The following SCAF4 variants were observed in gnomAD, a reference collection of about 807,000 sequenced individuals.
SCAF4 encodes SR-related CTD associated factor 4.
Under a neutral mutation model 129.8 loss-of-function variants are expected in SCAF4, and 25 were observed. The ratio of observed to expected loss-of-function variants is 0.19; its 90% confidence interval spans 0.14 to 0.27. SCAF4 has a LOEUF of 0.27. Ranked by LOEUF, SCAF4 falls within the 10% of genes least tolerant of loss-of-function variation. The pLI, the probability that SCAF4 is intolerant of heterozygous loss-of-function variation, is 1.00. For synonymous variants in SCAF4, 551 were observed against 497.7 expected (o/e 1.11, Z -1.43); for missense variants, 1,246 against 1,457.1 (o/e 0.86, Z 2.36).
rs1568862224 is a variant in SCAF4 at position 31,717,900 on chromosome 21, TATATACACACACACAC to T, written c.31-11559_31-11544del. Among the ~76,000 whole-genome samples, 391 of 78,640 alleles carry T rather than the reference TATATACACACACACAC, an allele frequency of 5.0e-3. 5 individuals are homozygous for T. Among genetic ancestry groups the T allele is most frequent in the African/African-American group, 0.016 (355 of 22,152 alleles). The allele number at this position is 78,640 out of a possible 152,430, so 51.6% of individuals were successfully genotyped here. ...ACACATATATACACATATATACACA[TATATACACACACACAC>T]ACACACACACACACACACACACACA... is the stretch of plus-strand genomic sequence containing the variant. On this transcript the variant is annotated intron_variant, in intron 1 of 19. Transcript: ENST00000286835.
chr21:31,724,958 C>A lies in SCAF4; in HGVS notation c.30+6705G>T, dbSNP rs551293472. Among the ~76,000 whole-genome samples, 8 of 152,330 alleles carry A rather than the reference C, an allele frequency of 5.3e-5. No homozygotes were observed. In the South Asian group the frequency reaches 1.4e-3, roughly 28 times the overall value. ...CAGTGATAAACCCCGCTACAGAAAG[C>A]TCTGAAGAATCACTTTATCGCAATC... On this transcript the variant is annotated intron_variant, in intron 1 of 19. Coordinates refer to ENST00000286835, the MANE Select transcript of SCAF4 (RefSeq NM_020706.2).
rs753442983 is a variant in SCAF4 at position 31,685,441 on chromosome 21, T to A, written c.2253A>T (p.Val751=). The change falls in exon 18 of 20, where the codon GTA becomes GTT. Residue 751 remains valine (V), a synonymous_variant. Coordinates refer to ENST00000286835, the MANE Select transcript of SCAF4 (RefSeq NM_020706.2). ...PGPPPPITPP[V]SIPPPHTPPI... is the part of the protein sequence containing the mutation. The stretch of plus-strand genomic sequence containing the variant: ...GTGGAGTGTGAGGAGGAGGAATGGA[T>A]ACTGGTGGAGTTATAGGAGGTGGGG... 5 of 1,613,502 alleles carry A rather than the reference T, an allele frequency of 3.1e-6. No individual in the cohort carries two copies. Among genetic ancestry groups the A allele is most frequent in the Non-Finnish European group, 4.2e-6 (5 of 1,179,724 alleles).
At chr21:31,687,112 A>G (rs2050144651) in intron 16 of SCAF4, among the ~76,000 whole-genome samples, 1 of 152,218 alleles carries the variant, frequency 6.6e-6, no homozygotes, top group Non-Finnish European at 1.5e-5. Flanking sequence ...TTCCCCTCAC[A>G]TTGAGAAAAT....
chr21:31,689,409 A>T (rs2050204942), intron 15 of SCAF4, among the ~76,000 whole-genome samples: 2 of 151,120 alleles, frequency 1.3e-5, no homozygotes, highest in Non-Finnish European at 2.9e-5. Context: ...GTGATTCTCC[A>T]GCCTCAGCGT....
chr21:31,731,006 C>T (rs1036456454), intron 1 of SCAF4, among the ~76,000 whole-genome samples: 2 of 152,196 alleles, frequency 1.3e-5, no homozygotes, highest in South Asian at 4.1e-4. Context: ...CACGTTGGGG[C>T]CATAGAGCCT....
intron 19 of SCAF4, among the ~76,000 whole-genome samples, chr21:31,676,563 T>C (rs2049860855): frequency 1.3e-5 from 2 of 152,192 alleles, no homozygotes; most frequent in Non-Finnish European, 2.9e-5. Context: ...ACAACCCAAG[T>C]GGACCCTTCA....
In SCAF4 at chr21:31,689,863, A is replaced by C. The variant is rs541897313; in HGVS notation, c.1885+934T>G. 8.6e-5 allele frequency among the ~76,000 whole-genome samples: 13 copies of C among 151,820 alleles called. No individual in the cohort carries two copies. The East Asian group carries it at 2.6e-3, about 30-fold the overall frequency. On this transcript the variant is annotated intron_variant, in intron 15 of 19. Coordinates refer to ENST00000286835, the MANE Select transcript of SCAF4 (RefSeq NM_020706.2). Reference sequence around the variant, plus strand: ...GGCAGGAGAATCACTGGAACCCGGGAGGCACAGGTTGCAGTGAGCCAAGAT... The same window carrying C: ...GGCAGGAGAATCACTGGAACCCGGGCGGCACAGGTTGCAGTGAGCCAAGAT...
intron 1 of SCAF4, among the ~76,000 whole-genome samples, chr21:31,717,888 CATATATACACATATAT>C (rs1173329650): frequency 8.7e-5 from 10 of 114,450 alleles, no homozygotes; most frequent in African/African-American, 2.4e-4. Context: ...CATATATACA[CATATATACACATATAT>C]ACACACACAC....
chr21:31,721,783 C>A (rs394151), intron 1 of SCAF4, among the ~76,000 whole-genome samples: 150,375 of 150,390 alleles, frequency 1, 75,180 homozygotes, highest in Middle Eastern at 1. Context: ...CTGGAGTGCA[C>A]AGGCACAATC....
chr21:31,680,107 C>T (rs937984500), intron 19 of SCAF4, among the ~76,000 whole-genome samples: 3 of 152,152 alleles, frequency 2.0e-5, no homozygotes, highest in Non-Finnish European at 2.9e-5. Context: ...ACTGCCCCTC[C>T]CACCTTCCTC....
chr21:31,688,277 AAAGTTT>A (rs757497653), intron 16 of SCAF4, 24 bp downstream of exon 16: 7 of 1,597,696 alleles, frequency 4.4e-6, no homozygotes, highest in East Asian at 2.2e-5. Context: ...TCAGGCACTT[AAAGTTT>A]AAGTCATGTC....
chr21:31,693,505 G>C (rs778136167), intron 11 of SCAF4, 21 bp from the exon 12 acceptor site: 49 of 1,442,044 alleles, frequency 3.4e-5, no homozygotes, highest in South Asian at 4.5e-5. Flanking sequence ...CAAGAGAAGG[G>C]AGAATGCATA....
At chr21:31,699,344 T>C (rs1026595391) in intron 7 of SCAF4, among the ~76,000 whole-genome samples, 1 of 152,192 alleles carries the variant, frequency 6.6e-6, no homozygotes, top group Non-Finnish European at 1.5e-5. Flanking sequence ...ATGAGGAGTT[T>C]TCCTAATCAC....
rs752837387 is a variant in SCAF4, at chr21:31,696,728, T to C, written c.800A>G (p.Tyr267Cys). The C allele has an allele frequency of 2.5e-6, 4 of 1,608,208 alleles. No individual in the cohort carries two copies. Among genetic ancestry groups the C allele is most frequent in the East Asian group, 2.2e-5 (1 of 44,800 alleles). ...FDKKLLDRFD[Y>C]DDEPEAVEES... ...TTCCACAGCTTCTGGCTCATCATCA[T>C]AGTCAAATCTATCAAGCAACTTCTG... Residue 267 changes from tyrosine (Y) to cysteine (C), a missense_variant, in exon 8 of 20, where the codon TAT becomes TGT. Physicochemically the swap from Tyr to Cys is radical, Grantham distance 194. Transcript: ENST00000286835.
rs752897677 is a variant in SCAF4 at position 31,694,952 on chromosome 21, G to A, written c.1097C>T (p.Pro366Leu). 6.2e-7 allele frequency: 1 copy of A among 1,613,928 alleles called. No homozygotes were observed. The highest frequency in any genetic ancestry group is 8.5e-7 in the Non-Finnish European group (1 of 1,179,898). ...QVPLPPNGQM[P>L]GFGLLPTPPF... is the part of the protein sequence containing the mutation. ...AGGTGTAGGAAGAAGTCCAAATCCT[G>A]GCATTTGTCCATTAGGAGGAAGTGG... The change falls in exon 10 of 20, where the codon CCA becomes CTA. Residue 366 changes from proline to leucine, a missense_variant. By Grantham distance (98) the Pro-to-Leu change is moderately conservative. Around this residue, in one of 6 missense-constraint regions of SCAF4, gnomAD observed 236 missense variants for 210.0 expected, o/e 1.12. Coordinates refer to ENST00000286835, the MANE Select transcript of SCAF4 (RefSeq NM_020706.2).
intron 1 of SCAF4, among the ~76,000 whole-genome samples, chr21:31,729,339 C>T (rs2051288359): frequency 1.3e-5 from 2 of 152,228 alleles, no homozygotes; most frequent in Non-Finnish European, 2.9e-5. Flanking sequence ...CTTCCCAAGC[C>T]TTCACTTATC....
At chr21:31,729,354 A>G (rs2051288934) in intron 1 of SCAF4, among the ~76,000 whole-genome samples, 1 of 152,174 alleles carries the variant, frequency 6.6e-6, no homozygotes, top group African/African-American at 2.4e-5. Context: ...CTTATCTCCA[A>G]TGGCTATGCC....
At position 31,685,468 on chromosome 21, in the gene SCAF4, T is replaced by A. The variant is rs374645966; in HGVS notation, c.2226A>T (p.Gly742=). The stretch of plus-strand genomic sequence containing the variant: ...CTGGTGGAGTTATAGGAGGTGGGGG[T>A]CCAGGAGGCAGAAAACCTAGAATAA... The part of the protein sequence containing the change: ...MHLPPGFLPP[G]PPPPITPPVS... The change falls in exon 18 of 20, where the codon GGA becomes GGT. Residue 742 remains glycine, a synonymous_variant. Transcript: ENST00000286835. 6.2e-6 allele frequency: 10 copies of A among 1,613,124 alleles called. No homozygotes were observed. The African/African-American group carries it at 1.2e-4, about 19-fold the overall frequency.
chr21:31,706,132 A>C, intron 2 of SCAF4, 142 bp downstream of exon 2: 2 of 654,414 alleles, frequency 3.1e-6, no homozygotes, highest in East Asian at 2.8e-5. Flanking sequence ...ATGCACGCTT[A>C]TCATGTACCT....
Sources: allele counts gnomAD v4.1 joint callset (sites outside exome capture counted in the v4.1 genomes callset), GRCh38; gene constraint gnomAD v4.1.1; regional missense constraint gnomAD v4.1.1; transcripts MANE v1.5; gene names NCBI Gene and HGNC (gene_info 2026-07-23, HGNC 2026-07-21).